NTM: variants seen among roughly 807,000 people sequenced by gnomAD.
NTM encodes neurotrimin, also known as IgLON family member 2.
NTM carries 13 observed loss-of-function variants against 42.1 expected under a neutral mutation model. The ratio of observed to expected loss-of-function variants is 0.31; its 90% confidence interval spans 0.20 to 0.49. The LOEUF (loss-of-function observed/expected upper bound fraction) is 0.49. Ranked by LOEUF, NTM falls within the 20% of genes least tolerant of loss-of-function variation. The pLI is 0.99. For missense variants in NTM, 373 were observed against 452.8 expected (o/e 0.82, Z 1.60); for synonymous variants, 187 against 179.2 (o/e 1.04, Z -0.35).
At chr11:131,418,837 T>C (rs1378204220) in intron 1 of NTM, among the ~76,000 whole-genome samples, 1 of 152,208 alleles carries the variant, frequency 6.6e-6, no homozygotes, top group Non-Finnish European at 1.5e-5. Flanking sequence ...ATCATATGTA[T>C]GCAAAGTCTC....
chr11:131,992,301 A>T (rs2067171031), intron 2 of NTM, among the ~76,000 whole-genome samples: 1 of 152,182 alleles, frequency 6.6e-6, no homozygotes, highest in South Asian at 2.1e-4. Context: ...CAATAATGCA[A>T]TACATATAAC....
In NTM at chr11:131,657,041, C is replaced by T. The variant is rs548655097; in HGVS notation, c.83-254523C>T. 4.2e-4 allele frequency among the ~76,000 whole-genome samples: 64 copies of T among 150,844 alleles called. 1 individual carries two copies. In the South Asian group the frequency reaches 0.012, roughly 28 times the overall value. ...ACCAAGTGCTTCTCTGCATTGTTAG[C>T]GGGGAGGAAGGCGGGCCTGGAGAAG... On this transcript the variant is annotated intron_variant, in intron 1 of 8. Coordinates refer to ENST00000683400, the MANE Select transcript of NTM (RefSeq NM_001352005.2).
rs114813324 is a variant in NTM at position 131,420,508 on chromosome 11, T to G, written c.82+49620T>G. Among the ~76,000 whole-genome samples the G allele has an allele frequency of 3.8e-3, 573 of 152,288 alleles. 6 individuals carry two copies. Among genetic ancestry groups the G allele is most frequent in the African/African-American group, 0.012 (510 of 41,566 alleles). ...AGGCCACTACGTCTGTGGTGATCTG[T>G]TACAGCGGCAGTAGGAAACTAACAT... On this transcript the variant is annotated intron_variant, in intron 1 of 8. Transcript: ENST00000683400.
intron 1 of NTM, among the ~76,000 whole-genome samples, chr11:131,872,801 A>G (rs2047925865): frequency 6.6e-6 from 1 of 152,198 alleles, no homozygotes; most frequent in Admixed American, 6.5e-5. Context: ...TTTATAGGGG[A>G]CAATGTTGAC....
At position 131,618,809 on chromosome 11, in the gene NTM, T is replaced by C. The variant is rs57860554; in HGVS notation, c.82+247921T>C. Among the ~76,000 whole-genome samples the C allele has an allele frequency of 8.2e-3, 1,252 of 152,354 alleles. 6 individuals are homozygous for C. The highest frequency in any genetic ancestry group is 0.028 in the African/African-American group (1,167 of 41,586). ...ATGGATAGACAGGAACATGTTCCGA[T>C]GAGCTAGAAGTTGTGTGCAGTAGAA... On this transcript the variant is annotated intron_variant, in intron 1 of 8. Transcript: ENST00000683400.
intron 2 of NTM, among the ~76,000 whole-genome samples, chr11:132,136,856 G>T (rs1192280295): frequency 1.3e-5 from 2 of 152,124 alleles, no homozygotes; most frequent in African/African-American, 4.8e-5. Context: ...CAAAGAATTG[G>T]AGGTGGAACT....
intron 2 of NTM, among the ~76,000 whole-genome samples, chr11:132,010,628 T>TTTC (rs1555217163): frequency 1.3e-4 from 19 of 151,518 alleles, no homozygotes; most frequent in African/African-American, 4.1e-4. Flanking sequence ...TTTTTTTTTT[T>TTTC]CCTCCATTCT....
intron 1 of NTM, among the ~76,000 whole-genome samples, chr11:131,636,614 C>T (rs577746463): frequency 6.6e-6 from 1 of 152,274 alleles, no homozygotes; most frequent in African/African-American, 2.4e-5. Flanking sequence ...TTGCAGTCGC[C>T]CCTGCAGACG....
intron 2 of NTM, among the ~76,000 whole-genome samples, chr11:131,969,620 T>C (rs2063275112): frequency 6.6e-6 from 1 of 152,132 alleles, no homozygotes; most frequent in African/African-American, 2.4e-5. Context: ...TTTTGTGGCA[T>C]ATGATGTGAA....
intron 4 of NTM, among the ~76,000 whole-genome samples, chr11:132,226,035 C>G (rs144520758): frequency 3.6e-3 from 547 of 152,274 alleles, no homozygotes; most frequent in African/African-American, 0.011. Flanking sequence ...CTACAAAGGA[C>G]ATGAACTCAT....
intron 2 of NTM, among the ~76,000 whole-genome samples, chr11:132,040,752 GA>G (rs2077072894): frequency 6.6e-6 from 1 of 152,172 alleles, no homozygotes; most frequent in South Asian, 2.1e-4. Context: ...CCTCTTTGCT[GA>G]AGCATAACTT....
chr11:131,642,870 C>G (rs1199654625), intron 1 of NTM, among the ~76,000 whole-genome samples: 1 of 152,158 alleles, frequency 6.6e-6, no homozygotes, highest in South Asian at 2.1e-4. Flanking sequence ...CCTGACTTGA[C>G]TCCTCTAACA....
chr11:131,510,074 G>A (rs1565581738), intron 1 of NTM, among the ~76,000 whole-genome samples: 3 of 152,162 alleles, frequency 2.0e-5, no homozygotes, highest in South Asian at 2.1e-4. Context: ...GGCGGTGCCT[G>A]TGGAGGAAAG....
intron 1 of NTM, among the ~76,000 whole-genome samples, chr11:131,901,610 C>A (rs1394583914): frequency 6.6e-6 from 1 of 151,824 alleles, no homozygotes; most frequent in African/African-American, 2.4e-5. Flanking sequence ...ACATGTCAAT[C>A]TACCCTTGAT....
At chr11:131,945,935 T>A (rs984861596) in intron 2 of NTM, among the ~76,000 whole-genome samples, 1 of 152,186 alleles carries the variant, frequency 6.6e-6, no homozygotes, top group Non-Finnish European at 1.5e-5. Context: ...AGGCGGATAG[T>A]ATATTCCATG....
chr11:131,514,902 T>C lies in NTM; in HGVS notation c.82+144014T>C, dbSNP rs147876174. The stretch of plus-strand genomic sequence containing the variant: ...CCCCCATGCCCGGCCTTGTATTTTA[T>C]ATATACACATAAAGAGAGAGGGAGA... On this transcript the variant is annotated intron_variant, in intron 1 of 8. Transcript: ENST00000683400. Among the ~76,000 whole-genome samples the C allele has an allele frequency of 1.6e-4, 25 of 152,032 alleles. No homozygotes were observed. The East Asian group carries it at 4.7e-3, about 28-fold the overall frequency.
chr11:131,516,454 C>A (rs1286346516), intron 1 of NTM, among the ~76,000 whole-genome samples: 2 of 152,246 alleles, frequency 1.3e-5, no homozygotes, highest in Middle Eastern at 3.4e-3. Context: ...TCTCGGCTCA[C>A]GCAATCTCCG....
At chr11:131,915,082 G>T (rs368183821) in intron 2 of NTM, among the ~76,000 whole-genome samples, 2 of 152,274 alleles carry the variant, frequency 1.3e-5, no homozygotes, top group East Asian at 1.9e-4. Flanking sequence ...GTTACTGTGT[G>T]AACATTTTAT....
chr11:131,511,697 T>A (rs1490238537), intron 1 of NTM, among the ~76,000 whole-genome samples: 1 of 152,172 alleles, frequency 6.6e-6, no homozygotes, highest in Non-Finnish European at 1.5e-5. Context: ...TCTTGGGCAA[T>A]CACACTGTGG....
Sources: gnomAD v4.1 joint callset for allele counts (sites outside exome capture counted in the v4.1 genomes callset) on GRCh38, gnomAD v4.1.1 for gene constraint, MANE v1.5 for transcripts, NCBI Gene and HGNC (gene_info 2026-07-23, HGNC 2026-07-21) for gene names.